The following PCDHA12 variants were observed in gnomAD, a reference collection of about 807,000 sequenced individuals.
The protein encoded by PCDHA12 is protocadherin alpha-12.
PCDHA12 carries 44 observed loss-of-function variants against 60.0 expected under a neutral mutation model. That is an observed-to-expected ratio of 0.73 (90% CI 0.58 to 0.94). The LOEUF (loss-of-function observed/expected upper bound fraction) is 0.94, where lower values mean the gene tolerates loss of function less well. Ranked by LOEUF, PCDHA12 falls within the 40% of genes least tolerant of loss-of-function variation. PCDHA12 has a pLI of 0.00. For missense variants in PCDHA12, 1,276 were observed against 1,239.7 expected (o/e 1.03, Z -0.44); for synonymous variants, 569 against 553.0 (o/e 1.03, Z -0.40).
intron 1 of PCDHA12, chr5:140,883,738 C>T (rs149972776): frequency 2.5e-5 from 41 of 1,613,276 alleles, no homozygotes; most frequent in Non-Finnish European, 3.3e-5. Flanking sequence ...ACGCGCTGGT[C>T]TCCTACTCGC....
chr5:140,962,512 AATAAT>A (rs2095688598), intron 1 of PCDHA12, among the ~76,000 whole-genome samples: 1 of 152,184 alleles, frequency 6.6e-6, no homozygotes, highest in Admixed American at 6.5e-5. Flanking sequence ...GCCAACTATC[AATAAT>A]ATATTAGTTT....
In PCDHA12 at chr5:140,876,238, C is replaced by G. The variant is rs782170059; in HGVS notation, c.766C>G (p.Gln256Glu). 2.5e-6 allele frequency: 4 copies of G among 1,613,896 alleles called. No homozygotes were observed. The highest frequency in any genetic ancestry group is 3.4e-6 in the Non-Finnish European group (4 of 1,179,880). ...TAAAGTAGTGTTGTCTGAAAATGTC[C>G]AAAACGACACAAGAGTGATCCAACT... ...SYKVVLSENVQNDTRVIQLNA... is the reference protein window; with the variant it reads ...SYKVVLSENVENDTRVIQLNA... Residue 256 changes from glutamine (Q) to glutamate (E), a missense_variant, in exon 1 of 4, where the codon CAA (glutamine) becomes GAA (glutamate). Transcript: ENST00000398631.
chr5:140,994,732 G>T (rs1159331502), intron 3 of PCDHA12, among the ~76,000 whole-genome samples: 3 of 152,114 alleles, frequency 2.0e-5, no homozygotes, highest in Non-Finnish European at 4.4e-5. Flanking sequence ...ACTGGGTATT[G>T]CAGGATGGCA....
intron 1 of PCDHA12, among the ~76,000 whole-genome samples, chr5:140,904,764 A>G (rs1354356510): frequency 2.0e-5 from 3 of 152,240 alleles, no homozygotes; most frequent in African/African-American, 4.8e-5. Context: ...CAAGAATAAG[A>G]TGGTATCACA....
rs140322145 is a variant in PCDHA12, at chr5:140,968,725, T to C, written c.2368-10224T>C. ...CCAGGAAGATGGGAGATGAGAGTGG[T>C]AGCACTTTCAACCTGACCGTGGTGG... On this transcript the variant is annotated intron_variant, in intron 1 of 3. Coordinates refer to ENST00000398631, the MANE Select transcript of PCDHA12 (RefSeq NM_018903.4). 3.1e-6 allele frequency: 5 copies of C among 1,613,932 alleles called. No individual in the cohort carries two copies. In the African/African-American group the frequency reaches 6.7e-5, roughly 22 times the overall value.
In PCDHA12 at chr5:140,988,105, A is replaced by C. The variant is rs2097283158; in HGVS notation, c.2515+5542A>C. On this transcript the variant is annotated intron_variant, in intron 3 of 3. Transcript: ENST00000398631. ...TGAGTGCAGCCTCGGGCCTTGTTGGAGAATTTAGAAAGCATGCTGTTCCAC... is the reference window on the plus strand; with the variant it reads ...TGAGTGCAGCCTCGGGCCTTGTTGGCGAATTTAGAAAGCATGCTGTTCCAC... Among the ~76,000 whole-genome samples the C allele has an allele frequency of 2.6e-5, 4 of 152,138 alleles. No individual in the cohort carries two copies. In the South Asian group the frequency reaches 8.3e-4, roughly 32 times the overall value.
intron 1 of PCDHA12, among the ~76,000 whole-genome samples, chr5:140,923,304 G>A (rs933906504): frequency 6.6e-6 from 1 of 152,172 alleles, no homozygotes; most frequent in African/African-American, 2.4e-5. Context: ...TGGGCGTGGG[G>A]GCGCTTGGCC....
chr5:140,933,945 T>A (rs1435633780), intron 1 of PCDHA12, among the ~76,000 whole-genome samples: 1 of 152,084 alleles, frequency 6.6e-6, no homozygotes, highest in Non-Finnish European at 1.5e-5. Flanking sequence ...TTTTCACATC[T>A]GCAGGATCTG....
chr5:140,967,775 G>A, intron 1 of PCDHA12: 2 of 1,614,200 alleles, frequency 1.2e-6, no homozygotes, highest in South Asian at 2.2e-5. Context: ...CTATGTGCAG[G>A]CGACTGACCG....
chr5:140,970,595 G>C (rs1554232604), intron 1 of PCDHA12, among the ~76,000 whole-genome samples: 1 of 152,098 alleles, frequency 6.6e-6, no homozygotes, highest in African/African-American at 2.4e-5. Context: ...TATGCTTTGT[G>C]ATACTTAAAA....
At chr5:140,924,550 C>T (rs2081897316) in intron 1 of PCDHA12, among the ~76,000 whole-genome samples, 1 of 152,096 alleles carries the variant, frequency 6.6e-6, no homozygotes, top group Non-Finnish European at 1.5e-5. Context: ...CTCTCCCCAC[C>T]ATTTTAATCA....
chr5:140,887,649 T>C (rs2061527192), intron 1 of PCDHA12, among the ~76,000 whole-genome samples: 1 of 152,162 alleles, frequency 6.6e-6, no homozygotes, highest in South Asian at 2.1e-4. Context: ...TTTGTTGATA[T>C]TCTTGGATCT....
chr5:140,957,113 G>A (rs1554222808), intron 1 of PCDHA12, among the ~76,000 whole-genome samples: 2 of 152,086 alleles, frequency 1.3e-5, no homozygotes, highest in Admixed American at 6.6e-5. Flanking sequence ...ACATGATTCT[G>A]TGTGTTTCTT....
At position 140,927,971 on chromosome 5, in the gene PCDHA12, C is replaced by T. The variant is rs868922082; in HGVS notation, c.2367+50132C>T. On this transcript the variant is annotated intron_variant, in intron 1 of 3. Transcript: ENST00000398631. ...GACGCTGCCCCTGGCACAGTGATTGCTCTCTTTAGTGTAAAGGATGAAGAC... is the reference window on the plus strand; with the variant it reads ...GACGCTGCCCCTGGCACAGTGATTGTTCTCTTTAGTGTAAAGGATGAAGAC... 5.0e-6 allele frequency: 8 copies of T among 1,614,224 alleles called. No homozygotes were observed. In the African/African-American group the frequency reaches 9.3e-5, roughly 19 times the overall value.
At chr5:140,910,428 G>A (rs2075029085) in intron 1 of PCDHA12, among the ~76,000 whole-genome samples, 1 of 152,130 alleles carries the variant, frequency 6.6e-6, no homozygotes, top group Admixed American at 6.5e-5. Flanking sequence ...TATTCCCATT[G>A]CATTTAAGTT....
At chr5:140,877,862 A>T (rs1554170193) in intron 1 of PCDHA12, 23 bp downstream of exon 1, 1 of 1,505,068 alleles carries the variant, frequency 6.6e-7, no homozygotes, top group East Asian at 2.4e-5. Flanking sequence ...TATTATTTAG[A>T]TATATTTGTT....
At position 140,883,407 on chromosome 5, in the gene PCDHA12, G is replaced by C. The variant is rs2059598150; in HGVS notation, c.2367+5568G>C. On this transcript the variant is annotated intron_variant, in intron 1 of 3. Coordinates refer to ENST00000398631, the MANE Select transcript of PCDHA12 (RefSeq NM_018903.4). The stretch of plus-strand genomic sequence containing the variant: ...ATCAGTGTGTCCGATCGTGACTCTG[G>C]CTCAAATGGACAGGTCACCTGCACC... The C allele has an allele frequency of 1.9e-6, 3 of 1,614,170 alleles. No homozygotes were observed. In the East Asian group the frequency reaches 6.7e-5, roughly 36 times the overall value.
intron 1 of PCDHA12, among the ~76,000 whole-genome samples, chr5:140,934,913 G>A (rs1226804104): frequency 1.3e-5 from 2 of 152,062 alleles, no homozygotes; most frequent in African/African-American, 4.8e-5. Flanking sequence ...GAATAATTAT[G>A]GATTCACATA....
At chr5:140,927,905 C>T in intron 1 of PCDHA12, 3 of 1,614,210 alleles carry the variant, frequency 1.9e-6, no homozygotes, top group Non-Finnish European at 2.5e-6. Context: ...GATCATGCCC[C>T]CGAACTGGAC....
Sources: gnomAD v4.1 joint callset for allele counts (sites outside exome capture counted in the v4.1 genomes callset) on GRCh38, gnomAD v4.1.1 for gene constraint, MANE v1.5 for transcripts, NCBI Gene and HGNC (gene_info 2026-07-23, HGNC 2026-07-21) for gene names.